Variants in RAP1GDS1 observed in about 807,000 individuals in gnomAD.
The protein encoded by RAP1GDS1 is Rap1 GTPase-GDP dissociation stimulator 1.
A neutral mutation model predicts 71.1 loss-of-function variants in RAP1GDS1; 35 were observed. That is an observed-to-expected ratio of 0.49 (90% CI 0.38 to 0.65). The LOEUF (loss-of-function observed/expected upper bound fraction) is 0.65, where lower values mean the gene tolerates loss of function less well. Ranked by LOEUF, RAP1GDS1 falls within the 30% of genes least tolerant of loss-of-function variation. The pLI, the probability that RAP1GDS1 is intolerant of heterozygous loss-of-function variation, is 0.00. For synonymous variants in RAP1GDS1, 229 were observed against 243.1 expected, an observed-to-expected ratio of 0.94 and a Z score of 0.54; for missense variants, 663 against 706.1, an observed-to-expected ratio of 0.94 and a Z score of 0.69.
chr4:98,264,816 G>A (rs1397411228), intron 1 of RAP1GDS1, among the ~76,000 whole-genome samples: 3 of 152,144 alleles, frequency 2.0e-5, no homozygotes, highest in Non-Finnish European at 4.4e-5. Flanking sequence ...AGTTGGTCTG[G>A]GGTTGGAAGA....
intron 12 of RAP1GDS1, among the ~76,000 whole-genome samples, chr4:98,429,979 C>T (rs1750164022): frequency 1.3e-5 from 2 of 152,070 alleles, no homozygotes; most frequent in Non-Finnish European, 2.9e-5. Flanking sequence ...TTCTTAGAAA[C>T]ATCTGAATTT....
rs1578912320 is a variant in RAP1GDS1, at chr4:98,443,120, C to T, written c.*1003C>T. 3.7e-5 allele frequency: 8 copies of T among 219,092 alleles called. No homozygotes were observed. The East Asian group carries it at 3.9e-4, about 11-fold the overall frequency. 13.6% of individuals were successfully genotyped at this position (219,092 alleles called of 1,614,324 possible). A position where few individuals can be genotyped will look rare whatever the true frequency, so the allele number is the denominator to read the frequency against. On this transcript the variant is annotated 3_prime_UTR_variant, in exon 15 of 15. Transcript: ENST00000408927. ...AAATCTTATGTTAGAACTAGCAGGA[C>T]GTAGGTGGAAAGATGAAGAAATAAG...
intron 3 of RAP1GDS1, among the ~76,000 whole-genome samples, chr4:98,351,797 G>T (rs1737238563): frequency 6.6e-6 from 1 of 151,706 alleles, no homozygotes. Flanking sequence ...GGAAAAAATG[G>T]GTTTGAAATT....
intron 3 of RAP1GDS1, among the ~76,000 whole-genome samples, chr4:98,349,111 T>G (rs944377069): frequency 7.9e-5 from 12 of 152,212 alleles, no homozygotes; most frequent in Non-Finnish European, 1.3e-4. Context: ...GTCTAACATT[T>G]AAGTCTTTAA....
chr4:98,384,349 CTGT>C (rs1194840931), intron 5 of RAP1GDS1, among the ~76,000 whole-genome samples: 1 of 151,456 alleles, frequency 6.6e-6, no homozygotes, highest in Non-Finnish European at 1.5e-5. Context: ...ATTATACTAA[CTGT>C]TGTTCTTTAT....
At chr4:98,395,331 CAG>C (rs1037294820) in intron 6 of RAP1GDS1, among the ~76,000 whole-genome samples, 1 of 152,064 alleles carries the variant, frequency 6.6e-6, no homozygotes, top group African/African-American at 2.4e-5. Flanking sequence ...ATGGATATGT[CAG>C]AAATTCTCAG....
At chr4:98,391,124 C>T (rs887614688) in intron 5 of RAP1GDS1, among the ~76,000 whole-genome samples, 1 of 152,032 alleles carries the variant, frequency 6.6e-6, no homozygotes, top group Non-Finnish European at 1.5e-5. Flanking sequence ...TTTTGGTGTT[C>T]ATTTTTGGTT....
intron 7 of RAP1GDS1, among the ~76,000 whole-genome samples, chr4:98,405,497 T>G (rs755765563): frequency 1.2e-4 from 18 of 152,034 alleles, no homozygotes; most frequent in Admixed American, 5.9e-4. Context: ...CTCATATGCA[T>G]TTTTTGGAGT....
chr4:98,410,981 A>G (rs1353169078), intron 7 of RAP1GDS1, among the ~76,000 whole-genome samples: 1 of 152,188 alleles, frequency 6.6e-6, no homozygotes, highest in Non-Finnish European at 1.5e-5. Flanking sequence ...TGATAGATAC[A>G]TGGTTATTTG....
At chr4:98,314,019 T>G (rs1219771289) in intron 2 of RAP1GDS1, among the ~76,000 whole-genome samples, 1 of 152,188 alleles carries the variant, frequency 6.6e-6, no homozygotes, top group Non-Finnish European at 1.5e-5. Context: ...GAGTCCATTT[T>G]AGATGCTTGT....
At chr4:98,393,486 G>A (rs1053255689) in intron 6 of RAP1GDS1, among the ~76,000 whole-genome samples, 1 of 152,180 alleles carries the variant, frequency 6.6e-6, no homozygotes, top group Non-Finnish European at 1.5e-5. Context: ...AAAATGGAAT[G>A]TAGGAGTTTG....
intron 6 of RAP1GDS1, 85 bp downstream of exon 6, chr4:98,392,165 A>G: frequency 7.9e-7 from 1 of 1,269,964 alleles, no homozygotes; most frequent in Non-Finnish European, 1.1e-6. Flanking sequence ...AGAAGCTAGA[A>G]ATCCATTTAG....
intron 2 of RAP1GDS1, among the ~76,000 whole-genome samples, chr4:98,313,183 C>G (rs554204015): frequency 1.4e-4 from 21 of 150,810 alleles, no homozygotes; most frequent in African/African-American, 5.1e-4. Context: ...AGGGCTGATG[C>G]TGCAGTTCAA....
intron 13 of RAP1GDS1, among the ~76,000 whole-genome samples, chr4:98,435,886 A>G (rs1358519375): frequency 6.6e-6 from 1 of 151,770 alleles, no homozygotes; most frequent in East Asian, 1.9e-4. Flanking sequence ...CCTGGCTAAC[A>G]CAGTGAAACC....
intron 3 of RAP1GDS1, among the ~76,000 whole-genome samples, chr4:98,350,652 A>G (rs1293641872): frequency 2.6e-5 from 4 of 152,174 alleles, no homozygotes; most frequent in African/African-American, 7.2e-5. Flanking sequence ...AGCGTGGCCA[A>G]CATAGTGAAT....
At chr4:98,319,778 CAAAAA>C (rs35696332) in intron 2 of RAP1GDS1, among the ~76,000 whole-genome samples, 26 of 79,226 alleles carry the variant, frequency 3.3e-4, no homozygotes, top group African/African-American at 1.0e-3. Flanking sequence ...GAGAATGTCT[CAAAAA>C]AAAAAAAAAA....
rs1403991463 is a variant in RAP1GDS1, at chr4:98,403,713, C to G, written c.638-764C>G. ...GAGAATAAGGACTGAGAAGGTAAAG[C>G]AAAGGATGAATCCTAAGGAACTAGA... is the stretch of plus-strand genomic sequence containing the variant. On this transcript the variant is annotated intron_variant, in intron 6 of 14. Coordinates refer to ENST00000408927, the MANE Select transcript of RAP1GDS1 (RefSeq NM_001100427.2). Among the ~76,000 whole-genome samples, 3 of 152,104 alleles carry G rather than the reference C, an allele frequency of 2.0e-5. 1 individual carries two copies. The highest frequency in any genetic ancestry group is 4.8e-5 in the African/African-American group (2 of 41,418).
At chr4:98,436,918 A>T in intron 13 of RAP1GDS1, 22 bp from the exon 14 acceptor site, 4 of 1,582,416 alleles carry the variant, frequency 2.5e-6, no homozygotes, top group Non-Finnish European at 3.4e-6. Context: ...TACGCAGTAG[A>T]TATACTTTGT....
At chr4:98,311,280 A>G (rs1416270122) in intron 2 of RAP1GDS1, among the ~76,000 whole-genome samples, 2 of 152,226 alleles carry the variant, frequency 1.3e-5, no homozygotes, top group South Asian at 4.1e-4. Context: ...AGGAATATAA[A>G]TGTAAGCATT....
Sources: allele counts gnomAD v4.1 joint callset (sites outside exome capture counted in the v4.1 genomes callset), GRCh38; gene constraint gnomAD v4.1.1; transcripts MANE v1.5; gene names NCBI Gene and HGNC (gene_info 2026-07-23, HGNC 2026-07-21).